LRRC37A2: variants seen among roughly 807,000 people sequenced by gnomAD.
LRRC37A2 encodes the protein leucine rich repeat containing 37 member A2.
Under a neutral mutation model 68.8 loss-of-function variants are expected in LRRC37A2, and 9 were observed. The ratio of observed to expected loss-of-function variants is 0.13; its 90% confidence interval spans 0.08 to 0.23. The LOEUF is 0.23. Ranked by LOEUF, LRRC37A2 falls within the 10% of genes least tolerant of loss-of-function variation. The pLI is 1.00. For missense variants in LRRC37A2, 168 were observed against 950.4 expected, an observed-to-expected ratio of 0.18 and a Z score of 10.82; for synonymous variants, 63 against 367.6, an observed-to-expected ratio of 0.17 and a Z score of 9.48.
chr17:46,739,257 G>A, the LRRC37A2 span, among the ~76,000 whole-genome samples: 1 of 150,996 alleles, frequency 6.6e-6, no homozygotes, highest in Non-Finnish European at 1.5e-5. Flanking sequence ...TGTAGTCCCA[G>A]CTACTCAGGA....
At chr17:46,747,705 A>C in the LRRC37A2 span, among the ~76,000 whole-genome samples, 1 of 152,244 alleles carries the variant, frequency 6.6e-6, no homozygotes, top group Non-Finnish European at 1.5e-5. Flanking sequence ...TAAAATTGAT[A>C]CTAACCTGAA....
the LRRC37A2 span, among the ~76,000 whole-genome samples, chr17:46,794,015 G>A: frequency 1.3e-5 from 2 of 152,112 alleles, no homozygotes; most frequent in Non-Finnish European, 2.9e-5. Flanking sequence ...GGCACGACGG[G>A]GACATAACCA....
chr17:46,385,204 G>A, the LRRC37A2 span, among the ~76,000 whole-genome samples: 1 of 96,682 alleles, frequency 1.0e-5, no homozygotes, highest in East Asian at 2.6e-4. Flanking sequence ...GTGAACCATA[G>A]CAGACAGTTC....
At chr17:46,953,848 T>C in the LRRC37A2 span, among the ~76,000 whole-genome samples, 4 of 152,374 alleles carry the variant, frequency 2.6e-5, no homozygotes, top group East Asian at 1.9e-4. Flanking sequence ...TTTTGAGAAG[T>C]GTATGTTCAT....
chr17:46,836,743 T>C, the LRRC37A2 span, among the ~76,000 whole-genome samples: 1 of 152,088 alleles, frequency 6.6e-6, no homozygotes, highest in African/African-American at 2.4e-5. Context: ...GCCAGGGTCA[T>C]GGGGTGATGT....
chr17:46,974,991 T>TC, the LRRC37A2 span, among the ~76,000 whole-genome samples: 11 of 13,138 alleles, frequency 8.4e-4, no homozygotes, highest in African/African-American at 1.4e-3. Context: ...TATTTTCTTT[T>TC]TTTTTTTTTT....
the LRRC37A2 span, among the ~76,000 whole-genome samples, chr17:47,006,028 C>T: frequency 1.3e-5 from 2 of 152,260 alleles, no homozygotes; most frequent in South Asian, 4.1e-4. Flanking sequence ...CAAAAATTAG[C>T]CAGGTGGGTG....
At chr17:46,992,880 ATATG>A in the LRRC37A2 span, among the ~76,000 whole-genome samples, 4 of 145,626 alleles carry the variant, frequency 2.7e-5, no homozygotes, top group African/African-American at 7.5e-5. Flanking sequence ...AAAAAAAAGA[ATATG>A]TAGTGACACA....
the LRRC37A2 span, among the ~76,000 whole-genome samples, chr17:46,808,597 T>C: frequency 6.6e-6 from 1 of 152,180 alleles, no homozygotes; most frequent in Non-Finnish European, 1.5e-5. Context: ...AAGAATTAGA[T>C]TCAGATAAAT....
the LRRC37A2 span, chr17:46,923,290 T>A: frequency 6.5e-7 from 1 of 1,549,090 alleles, no homozygotes; most frequent in South Asian, 1.2e-5. Flanking sequence ...CTTCTGGGGC[T>A]GAGGCCTCGG....
the LRRC37A2 span, chr17:46,728,901 T>C: frequency 1.2e-6 from 2 of 1,608,376 alleles, no homozygotes; most frequent in Non-Finnish European, 1.7e-6. Context: ...TATTACAGGC[T>C]CTTCTCGTTT....
the LRRC37A2 span, among the ~76,000 whole-genome samples, chr17:46,464,168 G>A: frequency 8.1e-5 from 2 of 24,714 alleles, no homozygotes; most frequent in East Asian, 8.0e-4. Flanking sequence ...AGAAAGTCCC[G>A]GAACCAGTCA....
At chr17:46,756,208 G>A in the LRRC37A2 span, 12 of 169,962 alleles carry the variant, frequency 7.1e-5, no homozygotes, top group East Asian at 1.8e-3. Context: ...ACAGTTGGCC[G>A]ATTAGAAGGC....
chr17:47,000,069 TAAAATAAAAAATAAA>T, the LRRC37A2 span, among the ~76,000 whole-genome samples: 1 of 25,622 alleles, frequency 3.9e-5, no homozygotes, highest in Non-Finnish European at 9.0e-5. Flanking sequence ...AAAATTAAAA[TAAAATAAAAAATAAA>T]ATAAAATAAA....
chr17:47,016,056 T>A, the LRRC37A2 span, among the ~76,000 whole-genome samples: 1 of 152,190 alleles, frequency 6.6e-6, no homozygotes, highest in African/African-American at 2.4e-5. Context: ...GCGATTCTCC[T>A]GCTTTGGCCT....
At chr17:46,866,750 A>G in the LRRC37A2 span, among the ~76,000 whole-genome samples, 1 of 152,028 alleles carries the variant, frequency 6.6e-6, no homozygotes, top group Non-Finnish European at 1.5e-5. Context: ...CACTGGCATT[A>G]CCTGGTGCCC....
the LRRC37A2 span, among the ~76,000 whole-genome samples, chr17:46,717,477 C>T: frequency 1.3e-5 from 2 of 152,146 alleles, no homozygotes; most frequent in African/African-American, 4.8e-5. Flanking sequence ...CTTTGGGAGG[C>T]TGAGGTGGGG....
At chr17:46,420,999 A>G in the LRRC37A2 span, among the ~76,000 whole-genome samples, 1 of 52,670 alleles carries the variant, frequency 1.9e-5, no homozygotes, top group East Asian at 2.8e-4. Flanking sequence ...GGGTTTCACC[A>G]TGTTAATCAG....
the LRRC37A2 span, among the ~76,000 whole-genome samples, chr17:46,856,517 C>G: frequency 3.3e-5 from 5 of 149,994 alleles, no homozygotes; most frequent in African/African-American, 4.9e-5. Context: ...TGGAGTCTCA[C>G]TATGTCGCCC....
Sources: allele counts gnomAD v4.1 joint callset (sites outside exome capture counted in the v4.1 genomes callset), GRCh38; gene constraint gnomAD v4.1.1; transcripts MANE v1.5; gene names NCBI Gene and HGNC (gene_info 2026-07-23, HGNC 2026-07-21).